The following FXYD6 variants were observed in gnomAD, a reference collection of about 807,000 sequenced individuals.
FXYD6 encodes the protein FXYD domain-containing ion transport regulator 6.
A neutral mutation model predicts 16.7 loss-of-function variants in FXYD6; 7 were observed. The observed-to-expected ratio is 0.42, with a 90% CI of 0.24 to 0.79. The LOEUF is 0.79. Among genes scored for constraint, FXYD6 ranks in the 30% least tolerant of loss-of-function variants. The pLI is 0.28. For synonymous variants in FXYD6, 49 were observed against 43.0 expected, an observed-to-expected ratio of 1.14 and a Z score of -0.54; for missense variants, 111 against 116.2, an observed-to-expected ratio of 0.95 and a Z score of 0.21.
Position 117,838,018 on chromosome 11 carries a change from CCA to C in FXYD6, c.*279_*280del, listed in dbSNP as rs1220451331. ...ATCCACAAACAAGTAGCCACAAAGA[CCA>C]CAGTTAGCAAACACACACAGTCACA... On this transcript the variant is annotated 3_prime_UTR_variant, in exon 8 of 8. Transcript: ENST00000526014. 17 of 607,096 alleles carry C rather than the reference CCA, an allele frequency of 2.8e-5. No individual in the cohort carries two copies. The highest frequency in any genetic ancestry group is 2.5e-4 in the South Asian group (13 of 52,434). The allele number at this position is 607,096 out of a possible 1,614,324, so 37.6% of individuals were successfully genotyped here.
chr11:117,864,460 A>G lies in FXYD6; in HGVS notation c.-6+12132T>C, dbSNP rs991827663. On this transcript the variant is annotated intron_variant, in intron 1 of 7. Coordinates refer to ENST00000526014, the MANE Select transcript of FXYD6 (RefSeq NM_022003.4). Reference sequence around the variant, plus strand: ...TTTAACCTAACTGGATCCATGAGCTACACGTAAAACCTAAAACTTAAAACT... The same window carrying G: ...TTTAACCTAACTGGATCCATGAGCTGCACGTAAAACCTAAAACTTAAAACT... Among the ~76,000 whole-genome samples, 11 of 152,378 alleles carry G rather than the reference A, an allele frequency of 7.2e-5. No individual in the cohort carries two copies. In the South Asian group the frequency reaches 1.4e-3, roughly 20 times the overall value.
chr11:117,874,329 G>A (rs1039083470), intron 1 of FXYD6, among the ~76,000 whole-genome samples: 4 of 152,158 alleles, frequency 2.6e-5, no homozygotes, highest in Non-Finnish European at 5.9e-5. Flanking sequence ...GGCGCCTACC[G>A]TCTGTCAACC....
At chr11:117,875,417 C>T (rs535190) in intron 1 of FXYD6, among the ~76,000 whole-genome samples, 150,115 of 151,960 alleles carry the variant, frequency 0.99, 74,169 homozygotes, top group East Asian at 1. Context: ...GGCAACCATA[C>T]TGGGGGGAGG....
intron 1 of FXYD6, among the ~76,000 whole-genome samples, chr11:117,853,361 C>T (rs2134163928): frequency 6.6e-6 from 1 of 152,344 alleles, no homozygotes; most frequent in South Asian, 2.1e-4. Flanking sequence ...CAGGTAGTCT[C>T]AGGTTTGGCT....
chr11:117,860,288 C>T (rs867519235), intron 1 of FXYD6, among the ~76,000 whole-genome samples: 13 of 152,304 alleles, frequency 8.5e-5, no homozygotes, highest in South Asian at 6.2e-4. Context: ...CACTGTGGCT[C>T]TTTGAAGGGC....
rs1356939879 is a variant in FXYD6, at chr11:117,858,777, C to CTTCCTTCCTTCCTTCCTTCCTTCT, written c.-5-15997_-5-15996insAGAAGGAAGGAAGGAAGGAAGGAA. ...CCTTCCTTCCTTCCTTCCTTCCTTCCTTCTTTCTTTTCTTTTTTAGACAGT... is the reference window on the plus strand; with the variant it reads ...CCTTCCTTCCTTCCTTCCTTCCTTCCTTCCTTCCTTCCTTCCTTCCTTCTTTCTTTCTTTTCTTTTTTAGACAGT... On this transcript the variant is annotated intron_variant, in intron 1 of 7. Coordinates refer to ENST00000526014, the MANE Select transcript of FXYD6 (RefSeq NM_022003.4). 1.8e-3 allele frequency among the ~76,000 whole-genome samples: 139 copies of CTTCCTTCCTTCCTTCCTTCCTTCT among 75,410 alleles called. 9 individuals carry two copies. The highest frequency in any genetic ancestry group is 5.9e-3 in the Middle Eastern group (1 of 170). 49.5% of individuals were successfully genotyped at this position (75,410 alleles called of 152,430 possible). A position where few individuals can be genotyped will look rare whatever the true frequency, so the allele number is the denominator to read the frequency against.
intron 1 of FXYD6, among the ~76,000 whole-genome samples, chr11:117,857,335 T>C (rs2056755933): frequency 6.6e-6 from 1 of 152,078 alleles, no homozygotes; most frequent in Non-Finnish European, 1.5e-5. Context: ...TGGATCTGTG[T>C]TGTGTAAGGT....
At chr11:117,856,604 T>G (rs2056734008) in intron 1 of FXYD6, among the ~76,000 whole-genome samples, 1 of 152,162 alleles carries the variant, frequency 6.6e-6, no homozygotes, top group Non-Finnish European at 1.5e-5. Flanking sequence ...CACAGTTTAG[T>G]CTAAATGGTT....
chr11:117,843,019 C>T (rs1362345601), intron 1 of FXYD6, among the ~76,000 whole-genome samples: 2 of 152,072 alleles, frequency 1.3e-5, no homozygotes, highest in Non-Finnish European at 1.5e-5. Context: ...CTGCAACCTC[C>T]GCCTCCCAGG....
chr11:117,874,057 G>A (rs1311508435), intron 1 of FXYD6, among the ~76,000 whole-genome samples: 1 of 152,128 alleles, frequency 6.6e-6, no homozygotes, highest in Admixed American at 6.5e-5. Context: ...GGAGTTAGAA[G>A]GCCTCAGCGA....
intron 1 of FXYD6, chr11:117,869,065 A>G (rs1177875040): frequency 6.6e-6 from 1 of 152,180 alleles, no homozygotes; most frequent in Non-Finnish European, 1.5e-5. Context: ...CAGTTCCCTC[A>G]ATTTGCATTT....
At chr11:117,849,443 T>A (rs2056552682) in intron 1 of FXYD6, among the ~76,000 whole-genome samples, 1 of 152,232 alleles carries the variant, frequency 6.6e-6, no homozygotes, top group African/African-American at 2.4e-5. Context: ...AGAATTATAT[T>A]TCATATGTGC....
At chr11:117,852,750 T>C (rs1019787497) in intron 1 of FXYD6, among the ~76,000 whole-genome samples, 1 of 152,272 alleles carries the variant, frequency 6.6e-6, no homozygotes, top group Non-Finnish European at 1.5e-5. Context: ...TCTGAGACTG[T>C]GACTAGAAGC....
rs2057007155 is a variant in FXYD6, at chr11:117,866,067, C to T, written c.-6+10525G>A. 2.6e-5 allele frequency among the ~76,000 whole-genome samples: 4 copies of T among 152,202 alleles called. No homozygotes were observed. In the South Asian group the frequency reaches 8.3e-4, roughly 32 times the overall value. Reference sequence around the variant, plus strand: ...GAAGGACAAGTACTGTATGATTCCACTCATATGAGGCACGTAGAGTAGTCA... The same window carrying T: ...GAAGGACAAGTACTGTATGATTCCATTCATATGAGGCACGTAGAGTAGTCA... On this transcript the variant is annotated intron_variant, in intron 1 of 7. Transcript: ENST00000526014.
chr11:117,871,705 T>G (rs1453978775), intron 1 of FXYD6, among the ~76,000 whole-genome samples: 2 of 152,206 alleles, frequency 1.3e-5, no homozygotes, highest in African/African-American at 2.4e-5. Flanking sequence ...TTACAGCAGC[T>G]GATATCTCCT....
At chr11:117,851,446 GA>G (rs756600893) in intron 1 of FXYD6, among the ~76,000 whole-genome samples, 4 of 152,196 alleles carry the variant, frequency 2.6e-5, no homozygotes, top group Non-Finnish European at 4.4e-5. Flanking sequence ...AGTGAGCTTG[GA>G]AACAGATCTT....
intron 4 of FXYD6, 60 bp from the exon 5 acceptor site, chr11:117,841,244 G>A (rs1305653390): frequency 5.6e-6 from 9 of 1,611,444 alleles, no homozygotes; most frequent in African/African-American, 4.0e-5. Context: ...CAGGGCCAAG[G>A]GTCTGTGCAG....
intron 7 of FXYD6, chr11:117,838,588 A>C: frequency 2.7e-6 from 1 of 365,874 alleles, no homozygotes; most frequent in Non-Finnish European, 5.0e-6. Flanking sequence ...AAAAAAATGA[A>C]AAGACATTTC....
At chr11:117,847,654 G>A (rs934327227) in intron 1 of FXYD6, among the ~76,000 whole-genome samples, 10 of 151,834 alleles carry the variant, frequency 6.6e-5, no homozygotes, top group Non-Finnish European at 4.4e-5. Context: ...TGAGAATGAT[G>A]GTTTCCAGCT....
Sources: gnomAD v4.1 joint callset for allele counts (sites outside exome capture counted in the v4.1 genomes callset) on GRCh38, gnomAD v4.1.1 for gene constraint, MANE v1.5 for transcripts, NCBI Gene and HGNC (gene_info 2026-07-23, HGNC 2026-07-21) for gene names.